The following FYB2 variants were observed in gnomAD, a reference collection of about 807,000 sequenced individuals.
FYB2 encodes the protein FYN-binding protein 2.
In FYB2, 103 loss-of-function variants were observed where a neutral mutation model predicts 94.1. The ratio of observed to expected loss-of-function variants is 1.09; its 90% confidence interval spans 0.93 to 1.29. The LOEUF is 1.29. Ranked by LOEUF, FYB2 falls within the 50% of genes most tolerant of loss-of-function variation. The probability of loss-of-function intolerance (pLI) is 0.00; values close to 1 mark genes in which losing one functional copy is unlikely to be tolerated. For missense variants in FYB2, 896 were observed against 841.5 expected (o/e 1.06, Z -0.80); for synonymous variants, 293 against 287.9 (o/e 1.02, Z -0.18).
chr1:56,764,938 T>A (rs892105743), intron 5 of FYB2, among the ~76,000 whole-genome samples: 7 of 152,282 alleles, frequency 4.6e-5, no homozygotes, highest in East Asian at 1.9e-4. Flanking sequence ...AAGACACTAA[T>A]CCCATTTGAG....
chr1:56,747,729 T>C (rs930037338), intron 9 of FYB2, among the ~76,000 whole-genome samples: 18 of 152,216 alleles, frequency 1.2e-4, no homozygotes, highest in African/African-American at 4.3e-4. Flanking sequence ...TGTATCTTTA[T>C]AGTAGAATTA....
chr1:56,729,196 G>C (rs1271800260), intron 15 of FYB2, among the ~76,000 whole-genome samples: 1 of 152,124 alleles, frequency 6.6e-6, no homozygotes, highest in Non-Finnish European at 1.5e-5. Context: ...GTGGCAGGTG[G>C]TCACATTTGC....
chr1:56,819,663 T>C (rs2101135646), upstream of FYB2: 1 of 403,774 alleles, frequency 2.5e-6, no homozygotes, highest in Non-Finnish European at 4.6e-6. Flanking sequence ...GCAGGAGCTG[T>C]GAAGGAATGG....
intron 13 of FYB2, among the ~76,000 whole-genome samples, 181 bp from the exon 14 acceptor site, chr1:56,738,834 T>C (rs1644887194): frequency 1.3e-5 from 2 of 152,062 alleles, no homozygotes; most frequent in African/African-American, 2.4e-5. Flanking sequence ...GTGCACAAGA[T>C]GTTATGGGAA....
chr1:56,746,928 G>A (rs925681988), intron 9 of FYB2, among the ~76,000 whole-genome samples: 6 of 151,952 alleles, frequency 3.9e-5, no homozygotes, highest in African/African-American at 1.4e-4. Flanking sequence ...GAGAGCTTTA[G>A]TTGCTCCATA....
At chr1:56,737,006 T>G (rs964598931) in intron 15 of FYB2, 81 bp downstream of exon 15, 1 of 1,063,090 alleles carries the variant, frequency 9.4e-7, no homozygotes, top group South Asian at 1.4e-5. Flanking sequence ...TCTGAAAAGA[T>G]GGTTCTGTGA....
At chr1:56,817,162 A>C (rs1646902600) in intron 1 of FYB2, among the ~76,000 whole-genome samples, 1 of 152,174 alleles carries the variant, frequency 6.6e-6, no homozygotes, top group African/African-American at 2.4e-5. Context: ...GAAATGCTTG[A>C]GTTTCAACAA....
intron 15 of FYB2, among the ~76,000 whole-genome samples, chr1:56,731,383 T>G (rs1644706462): frequency 2.0e-5 from 3 of 152,264 alleles, no homozygotes; most frequent in South Asian, 4.1e-4. Context: ...TCCCACTATG[T>G]TGCCCAGGCT....
At chr1:56,788,866 T>C (rs1182179373) in intron 3 of FYB2, 107 bp downstream of exon 3, 3 of 1,446,310 alleles carry the variant, frequency 2.1e-6, no homozygotes, top group Admixed American at 3.4e-5. Context: ...CAGTGATGGA[T>C]GTCCAGCCTC....
intron 5 of FYB2, among the ~76,000 whole-genome samples, chr1:56,763,179 A>C (rs1031887624): frequency 6.6e-6 from 1 of 152,104 alleles, no homozygotes; most frequent in East Asian, 1.9e-4. Flanking sequence ...TTTGTTGAGG[A>C]GTTTTATGAC....
At chr1:56,757,687 C>CTTCCTTCTTTTT (rs1293394860) in intron 6 of FYB2, among the ~76,000 whole-genome samples, 3,079 of 71,910 alleles carry the variant, frequency 0.043, 140 homozygotes, top group African/African-American at 0.082. Context: ...TCCTTCCTTC[C>CTTCCTTCTTTTT]TTCTTTCTTT....
Position 56,724,784 on chromosome 1 carries a change from A to T in FYB2, c.1881-1103T>A, listed in dbSNP as rs535607884. ...TCTTAGAAAGTGGGTTATCCTTTTC[A>T]TGCTGTTATACATGGGATACTGCTA... is the stretch of plus-strand genomic sequence containing the variant. On this transcript the variant is annotated intron_variant, in intron 16 of 19. Transcript: ENST00000343433. Among the ~76,000 whole-genome samples the T allele has an allele frequency of 5.3e-5, 8 of 152,082 alleles. No individual in the cohort carries two copies. In the East Asian group the frequency reaches 1.5e-3, roughly 29 times the overall value.
intron 4 of FYB2, among the ~76,000 whole-genome samples, chr1:56,777,966 T>TA (rs1557639598): frequency 1.3e-5 from 2 of 152,148 alleles, no homozygotes; most frequent in Admixed American, 6.5e-5. Flanking sequence ...AATAATTTTT[T>TA]TAAAAAAAGA....
At chr1:56,760,078 CAAAAA>C (rs35665176) in intron 5 of FYB2, among the ~76,000 whole-genome samples, 1 of 112,570 alleles carries the variant, frequency 8.9e-6, no homozygotes, top group African/African-American at 3.3e-5. Flanking sequence ...GACTCCATCA[CAAAAA>C]AAAAAAAAAA....
At chr1:56,719,804 A>C (rs996155845) in intron 19 of FYB2, 112 bp from the exon 20 acceptor site, 3 of 1,139,750 alleles carry the variant, frequency 2.6e-6, no homozygotes, top group Admixed American at 4.9e-5. Context: ...TGTTCTTTTA[A>C]AATGTTTATA....
At chr1:56,748,346 C>A (rs528758088) in intron 9 of FYB2, among the ~76,000 whole-genome samples, 11 of 151,964 alleles carry the variant, frequency 7.2e-5, no homozygotes, top group Non-Finnish European at 1.6e-4. Context: ...AATGGTATTG[C>A]CTAGGTTTTC....
intron 1 of FYB2, among the ~76,000 whole-genome samples, chr1:56,798,273 G>A (rs1320492304): frequency 1.3e-5 from 2 of 152,178 alleles, no homozygotes; most frequent in Non-Finnish European, 2.9e-5. Context: ...CCTAAAAATA[G>A]CCCTGGAAAA....
intron 4 of FYB2, among the ~76,000 whole-genome samples, chr1:56,775,714 G>A (rs1254684704): frequency 6.6e-6 from 1 of 152,164 alleles, no homozygotes; most frequent in Admixed American, 6.5e-5. Context: ...ACTGGTTGAA[G>A]TCAAACATGG....
At chr1:56,757,686 C>CTTT (rs1337483802) in intron 6 of FYB2, among the ~76,000 whole-genome samples, 106 of 64,028 alleles carry the variant, frequency 1.7e-3, no homozygotes, top group African/African-American at 8.5e-3. Context: ...TTCCTTCCTT[C>CTTT]CTTCTTTCTT....
Sources: allele counts gnomAD v4.1 joint callset (sites outside exome capture counted in the v4.1 genomes callset), GRCh38; gene constraint gnomAD v4.1.1; transcripts MANE v1.5; gene names NCBI Gene and HGNC (gene_info 2026-07-23, HGNC 2026-07-21).